The following SIN3B variants were observed in gnomAD, a reference collection of about 807,000 sequenced individuals.
SIN3B encodes paired amphipathic helix protein Sin3b.
SIN3B carries 19 observed loss-of-function variants against 120.2 expected under a neutral mutation model. The ratio of observed to expected loss-of-function variants is 0.16; its 90% CI spans 0.11 to 0.23. SIN3B has a LOEUF of 0.23. Ranked by LOEUF, SIN3B falls within the 10% of genes least tolerant of loss-of-function variation. The probability of loss-of-function intolerance (pLI) is 1.00; values close to 1 mark genes in which losing one functional copy is unlikely to be tolerated. For missense variants in SIN3B, 1,073 were observed against 1,573.0 expected (o/e 0.68, Z 5.38); for synonymous variants, 654 against 653.2 (o/e 1.00, Z -0.02).
At chr19:16,860,537 G>T (rs752177703) in intron 8 of SIN3B, among the ~76,000 whole-genome samples, 1 of 151,978 alleles carries the variant, frequency 6.6e-6, no homozygotes, top group Non-Finnish European at 1.5e-5. Flanking sequence ...TTATGCGAGG[G>T]TGGGCTGGGT....
intron 4 of SIN3B, among the ~76,000 whole-genome samples, chr19:16,846,628 A>G (rs751861972): frequency 7.2e-5 from 11 of 152,084 alleles, no homozygotes; most frequent in Admixed American, 1.3e-4. Flanking sequence ...AGCGCTCCCC[A>G]GTTCTACACT....
At chr19:16,863,647 C>G in intron 9 of SIN3B, 33 bp from the exon 10 acceptor site, 2 of 1,392,898 alleles carry the variant, frequency 1.4e-6, no homozygotes, top group South Asian at 2.3e-5. Context: ...CTGGGGCATG[C>G]AGCGTCATTC....
intron 6 of SIN3B, among the ~76,000 whole-genome samples, 182 bp downstream of exon 6, chr19:16,851,716 C>T (rs144153060): frequency 2.6e-5 from 4 of 152,194 alleles, no homozygotes; most frequent in Non-Finnish European, 5.9e-5. Context: ...GCTGTTCTTC[C>T]GTTCTCCCTG....
Position 16,869,773 on chromosome 19 carries a change from G to C in SIN3B, c.2120G>C (p.Ser707Thr), listed in dbSNP as rs769649897. ...AAGAAGCCGGCGCCAGGACCCCACA[G>C]TAGCCCCCCAGAGGAGAAGGGGGCC... The part of the protein sequence containing the change: ...ERKKPAPGPH[S>T]SPPEEKGAFG... Residue 707 changes from serine to threonine, a missense_variant, in exon 13 of 19, where the codon AGT becomes ACT. By Grantham distance (58) the Ser-to-Thr change is moderately conservative. Coordinates refer to ENST00000248054, the MANE Select transcript of SIN3B (RefSeq NM_001297595.2). 1.2e-6 allele frequency: 2 copies of C among 1,613,398 alleles called. No individual in the cohort carries two copies. Among genetic ancestry groups the C allele is most frequent in the African/African-American group, 1.3e-5 (1 of 74,940 alleles).
chr19:16,832,191 CTTTTTTT>C (rs10528185), intron 3 of SIN3B, among the ~76,000 whole-genome samples: 7 of 125,432 alleles, frequency 5.6e-5, no homozygotes, highest in Admixed American at 1.8e-4. Context: ...TGCTGGCCCT[CTTTTTTT>C]TTTTTTTTTT....
intron 5 of SIN3B, among the ~76,000 whole-genome samples, chr19:16,847,559 G>A (rs771848937): frequency 1.7e-4 from 26 of 152,190 alleles, no homozygotes; most frequent in Admixed American, 1.6e-3. Flanking sequence ...CCAGTAGCGG[G>A]GGTGGCCTGT....
chr19:16,833,549 T>G (rs1971306351), intron 3 of SIN3B, among the ~76,000 whole-genome samples: 1 of 151,576 alleles, frequency 6.6e-6, no homozygotes, highest in Non-Finnish European at 1.5e-5. Flanking sequence ...TGAGAATTGC[T>G]TGAACCTGGG....
intron 5 of SIN3B, 39 bp downstream of exon 5, chr19:16,847,152 A>T (rs1568415922): frequency 1.1e-5 from 17 of 1,588,480 alleles, no homozygotes; most frequent in Admixed American, 1.7e-5. Flanking sequence ...CGGGGGCCTC[A>T]GCGAGGACGG....
chr19:16,833,981 T>C (rs918935223), intron 3 of SIN3B, among the ~76,000 whole-genome samples: 4 of 152,132 alleles, frequency 2.6e-5, no homozygotes, highest in Admixed American at 1.3e-4. Flanking sequence ...CACCTCTGCC[T>C]CCCAAAGTGC....
Position 16,865,305 on chromosome 19 carries a change from CA to C in SIN3B, c.1384-104del, listed in dbSNP as rs368013899. 3,576 of 491,166 alleles carry C rather than the reference CA, an allele frequency of 7.3e-3. 7 individuals carry two copies. The highest frequency in any genetic ancestry group is 0.013 in the African/African-American group (494 of 38,252). The allele number at this position is 491,166 out of a possible 1,614,324, so 30.4% of individuals were successfully genotyped here. ...CAAGACCCTATCTCTTAAATACACA[CA>C]CCCCCCCCCCAAAAAAATCCTCTGG... On this transcript the variant is annotated intron_variant, in intron 10 of 18. Coordinates refer to ENST00000248054, the MANE Select transcript of SIN3B (RefSeq NM_001297595.2).
chr19:16,845,879 G>A (rs1375046633), intron 4 of SIN3B, among the ~76,000 whole-genome samples: 1 of 152,158 alleles, frequency 6.6e-6, no homozygotes, highest in Non-Finnish European at 1.5e-5. Context: ...GTGTCACCAT[G>A]CCTACATAAT....
chr19:16,865,310 C>CA (rs933039396), intron 10 of SIN3B, 100 bp from the exon 11 acceptor site: 1 of 548,260 alleles, frequency 1.8e-6, no homozygotes. Flanking sequence ...ACACACACCC[C>CA]CCCCCCAAAA....
At position 16,859,000 on chromosome 19, in the gene SIN3B, G is replaced by A. The variant is rs886510087; in HGVS notation, c.1059-3352G>A. Among the ~76,000 whole-genome samples, 19 of 152,136 alleles carry A rather than the reference G, an allele frequency of 1.2e-4. No individual in the cohort carries two copies. The East Asian group carries it at 2.7e-3, about 22-fold the overall frequency. On this transcript the variant is annotated intron_variant, in intron 8 of 18. Transcript: ENST00000248054. ...AGCCTGGGCAACATAGTGAGACCTC[G>A]TCAGAAACTAGCCAGAAGTGGTGGC...
intron 12 of SIN3B, among the ~76,000 whole-genome samples, chr19:16,866,781 G>A (rs960474708): frequency 2.0e-5 from 3 of 152,224 alleles, no homozygotes; most frequent in Non-Finnish European, 4.4e-5. Flanking sequence ...TTTGGAGACA[G>A]AGTCTCGCTG....
chr19:16,846,147 A>T (rs1358347175), intron 4 of SIN3B: 1 of 152,222 alleles, frequency 6.6e-6, no homozygotes, highest in Non-Finnish European at 1.5e-5. Flanking sequence ...TCTATTTATT[A>T]TCTGAACTGA....
intron 3 of SIN3B, among the ~76,000 whole-genome samples, chr19:16,834,119 G>C (rs1033897048): frequency 2.0e-5 from 3 of 152,138 alleles, no homozygotes; most frequent in Admixed American, 2.0e-4. Context: ...CCAGGATCCA[G>C]ATGTACTGCT....
intron 11 of SIN3B, 97 bp downstream of exon 11, chr19:16,865,745 C>A: frequency 2.5e-6 from 2 of 816,194 alleles, no homozygotes; most frequent in Non-Finnish European, 3.8e-6. Context: ...CCTTGGAGAG[C>A]TCATTAGTGC....
chr19:16,840,273 A>G (rs1971400984), intron 3 of SIN3B, among the ~76,000 whole-genome samples: 1 of 152,114 alleles, frequency 6.6e-6, no homozygotes, highest in African/African-American at 2.4e-5. Flanking sequence ...GGTAGGCCCT[A>G]ATCCAGTCTG....
chr19:16,863,790 C>A lies in SIN3B; in HGVS notation c.1377C>A (p.Arg459=), dbSNP rs767438597. 1.2e-5 allele frequency: 19 copies of A among 1,612,824 alleles called. No homozygotes were observed. In the African/African-American group the frequency reaches 2.4e-4, roughly 20 times the overall value. The change falls in exon 10 of 19, where the codon CGC becomes CGA. Residue 459 remains arginine, a synonymous_variant. Transcript: ENST00000248054. ...EEQLHRCEDE[R]FELDVVLETN... The stretch of plus-strand genomic sequence containing the variant: ...AGCTTCACCGCTGTGAGGACGAGCG[C>A]TTCGAGGTGTGTGTGCTGCTGTGGC...
Sources: allele counts gnomAD v4.1 joint callset (sites outside exome capture counted in the v4.1 genomes callset), GRCh38; gene constraint gnomAD v4.1.1; transcripts MANE v1.5; gene names NCBI Gene and HGNC (gene_info 2026-07-23, HGNC 2026-07-21).